Variants in VPREB1 observed in about 807,000 individuals in gnomAD.
VPREB1 encodes the protein immunoglobulin iota chain.
A neutral mutation model predicts 13.6 loss-of-function variants in VPREB1; 17 were observed. The ratio of observed to expected loss-of-function variants is 1.25; its 90% CI spans 0.86 to 1.88. VPREB1 has a LOEUF of 1.88. Among genes scored for constraint, VPREB1 ranks in the 40% most tolerant of loss-of-function variants. The pLI is 0.00. For missense variants in VPREB1, 183 were observed against 190.1 expected, an observed-to-expected ratio of 0.96 and a Z score of 0.22; for synonymous variants, 86 against 73.9, an observed-to-expected ratio of 1.16 and a Z score of -0.84.
At position 22,245,005 on chromosome 22, in the gene VPREB1, A is replaced by G. The variant is rs2088101472; in HGVS notation, c.106A>G (p.Thr36Ala). 1 of 1,613,940 alleles carries G rather than the reference A, an allele frequency of 6.2e-7. No homozygotes were observed. The highest frequency in any genetic ancestry group is 1.7e-5 in the Admixed American group (1 of 59,988). The change falls in exon 2 of 2, where the codon ACA becomes GCA. Residue 36 changes from threonine (T) to alanine (A), a missense_variant. Transcript: ENST00000403807. ...PPAMSSALGTTIRLTCTLRND... is the reference protein window; with the variant it reads ...PPAMSSALGTAIRLTCTLRND... ...GGCCATGTCCTCGGCCCTTGGAACC[A>G]CAATCCGCCTCACCTGCACCCTGAG...
chr22:22,245,253 G>A lies in VPREB1; in HGVS notation c.354G>A (p.Gly118=), dbSNP rs2146287978. ...EDEAMYYCAM[G]ARSSEKEERE... is the part of the protein sequence containing the mutation. ...AGGCTATGTATTACTGTGCTATGGG[G>A]GCCCGCAGCTCGGAGAAGGAGGAGA... Residue 118 remains glycine, a synonymous_variant, in exon 2 of 2, where the codon GGG becomes GGA. Transcript: ENST00000403807. 1.3e-6 allele frequency: 2 copies of A among 1,568,062 alleles called. No individual in the cohort carries two copies. Among genetic ancestry groups the A allele is most frequent in the Non-Finnish European group, 8.6e-7 (1 of 1,161,156 alleles).
chr22:22,244,786 A>G lies in VPREB1; in HGVS notation c.-28A>G, dbSNP rs2088093162. ...TGGGGACCCCAGGCACCGTGGCCAC[A>G]GGAGTCAGAGCTCTGCATGTCTGCA... is the stretch of plus-strand genomic sequence containing the variant. On this transcript the variant is annotated 5_prime_UTR_variant, in exon 1 of 2. Coordinates refer to ENST00000403807, the MANE Select transcript of VPREB1 (RefSeq NM_007128.4). 4 of 1,613,916 alleles carry G rather than the reference A, an allele frequency of 2.5e-6. No individual in the cohort carries two copies. The highest frequency in any genetic ancestry group is 3.4e-6 in the Non-Finnish European group (4 of 1,179,964).
Position 22,245,140 on chromosome 22 carries a change from C to T in VPREB1, c.241C>T (p.Pro81Ser). ...CTCACAATCAGACAAGAGCCAGGGC[C>T]CCCAGGTCCCCCCTCGCTTCTCTGG... ...YFSQSDKSQG[P>S]QVPPRFSGSK... The change falls in exon 2 of 2, where the codon CCC becomes TCC. Residue 81 changes from proline (P) to serine (S), a missense_variant. Transcript: ENST00000403807. 1.9e-6 allele frequency: 3 copies of T among 1,610,080 alleles called. No individual in the cohort carries two copies. Among genetic ancestry groups the T allele is most frequent in the Non-Finnish European group, 1.7e-6 (2 of 1,177,824 alleles).
Position 22,245,145 on chromosome 22 carries a change from G to A in VPREB1, c.246G>A (p.Gln82=), listed in dbSNP as rs2088106394. The A allele has an allele frequency of 1.2e-6, 2 of 1,609,990 alleles. No individual in the cohort carries two copies. Among genetic ancestry groups the A allele is most frequent in the African/African-American group, 1.3e-5 (1 of 74,762 alleles). Residue 82 remains glutamine, a synonymous_variant, in exon 2 of 2, where the codon CAG becomes CAA. Coordinates refer to ENST00000403807, the MANE Select transcript of VPREB1 (RefSeq NM_007128.4). ...AATCAGACAAGAGCCAGGGCCCCCA[G>A]GTCCCCCCTCGCTTCTCTGGATCCA... ...FSQSDKSQGP[Q]VPPRFSGSKD...
In VPREB1 at chr22:22,245,485, G is replaced by A; in HGVS notation, c.*148G>A. 1.1e-6 allele frequency: 1 copy of A among 925,634 alleles called. No homozygotes were observed. The highest frequency in any genetic ancestry group is 1.5e-6 in the Non-Finnish European group (1 of 673,704). 57.3% of individuals were successfully genotyped at this position (925,634 alleles called of 1,614,324 possible). ...AAATCCCCATTGGAGACTGCATTAG[G>A]GAATTAAAGCTGCTTGTCACTTTTT... On this transcript the variant is annotated 3_prime_UTR_variant, in exon 2 of 2. Transcript: ENST00000403807.
chr22:22,245,480 AT>A lies in VPREB1; in HGVS notation c.*145del. Reference sequence around the variant, plus strand: ...GCTGTAAATCCCCATTGGAGACTGCATTAGGGAATTAAAGCTGCTTGTCACT... The same window carrying A: ...GCTGTAAATCCCCATTGGAGACTGCATAGGGAATTAAAGCTGCTTGTCACT... On this transcript the variant is annotated 3_prime_UTR_variant, in exon 2 of 2. Coordinates refer to ENST00000403807, the MANE Select transcript of VPREB1 (RefSeq NM_007128.4). The A allele has an allele frequency of 1.1e-6, 1 of 947,432 alleles. No homozygotes were observed. The highest frequency in any genetic ancestry group is 1.4e-6 in the Non-Finnish European group (1 of 691,374). 58.7% of individuals were successfully genotyped at this position (947,432 alleles called of 1,614,324 possible).
At chr22:22,244,923 C>G (rs762317743) in intron 1 of VPREB1, 23 bp from the exon 2 acceptor site, 3 of 1,614,146 alleles carry the variant, frequency 1.9e-6, no homozygotes, top group South Asian at 2.2e-5. Context: ...GCCCCCACGG[C>G]CCACATGCAT....
In VPREB1 at chr22:22,245,256, C is replaced by T; in HGVS notation, c.357C>T (p.Ala119=). The T allele has an allele frequency of 6.4e-7, 1 of 1,567,298 alleles. No individual in the cohort carries two copies. The highest frequency in any genetic ancestry group is 1.4e-5 in the African/African-American group (1 of 73,270). ...DEAMYYCAMG[A]RSSEKEERER... ...CTATGTATTACTGTGCTATGGGGGCCCGCAGCTCGGAGAAGGAGGAGAGGG... is the reference window on the plus strand; with the variant it reads ...CTATGTATTACTGTGCTATGGGGGCTCGCAGCTCGGAGAAGGAGGAGAGGG... Residue 119 remains alanine, a synonymous_variant, in exon 2 of 2, where the codon GCC becomes GCT. Transcript: ENST00000403807.
At position 22,245,482 on chromosome 22, in the gene VPREB1, T is replaced by C. The variant is rs2088116517; in HGVS notation, c.*145T>C. The C allele has an allele frequency of 1.1e-6, 1 of 942,594 alleles. No individual in the cohort carries two copies. Among genetic ancestry groups the C allele is most frequent in the South Asian group, 2.7e-5 (1 of 36,504 alleles). 58.4% of individuals were successfully genotyped at this position (942,594 alleles called of 1,614,324 possible). ...TGTAAATCCCCATTGGAGACTGCATTAGGGAATTAAAGCTGCTTGTCACTT... is the reference window on the plus strand; with the variant it reads ...TGTAAATCCCCATTGGAGACTGCATCAGGGAATTAAAGCTGCTTGTCACTT... On this transcript the variant is annotated 3_prime_UTR_variant, in exon 2 of 2. Coordinates refer to ENST00000403807, the MANE Select transcript of VPREB1 (RefSeq NM_007128.4).
In VPREB1 at chr22:22,245,149, C is replaced by T; in HGVS notation, c.250C>T (p.Pro84Ser). Reference sequence around the variant, plus strand: ...AGACAAGAGCCAGGGCCCCCAGGTCCCCCCTCGCTTCTCTGGATCCAAAGA... The same window carrying T: ...AGACAAGAGCCAGGGCCCCCAGGTCTCCCCTCGCTTCTCTGGATCCAAAGA... ...QSDKSQGPQVPPRFSGSKDVA... is the reference protein window; with the variant it reads ...QSDKSQGPQVSPRFSGSKDVA... Residue 84 changes from proline (P) to serine (S), a missense_variant, in exon 2 of 2, where the codon CCC becomes TCC. Pro to Ser is a moderately conservative substitution (Grantham distance 74). Coordinates refer to ENST00000403807, the MANE Select transcript of VPREB1 (RefSeq NM_007128.4). 6.2e-7 allele frequency: 1 copy of T among 1,607,268 alleles called. No individual in the cohort carries two copies. Among genetic ancestry groups the T allele is most frequent in the Non-Finnish European group, 8.5e-7 (1 of 1,176,496 alleles).
chr22:22,244,885 A>T (rs749345702), intron 1 of VPREB1, 26 bp downstream of exon 1: 3 of 1,612,950 alleles, frequency 1.9e-6, no homozygotes, highest in South Asian at 1.1e-5. Context: ...GATCCCAAAG[A>T]CTCCTGCCCC....
At position 22,245,127 on chromosome 22, in the gene VPREB1, C is replaced by A; in HGVS notation, c.228C>A (p.Asp76Glu). ...TGCTGAGATATTTCTCACAATCAGACAAGAGCCAGGGCCCCCAGGTCCCCC... is the reference window on the plus strand; with the variant it reads ...TGCTGAGATATTTCTCACAATCAGAAAAGAGCCAGGGCCCCCAGGTCCCCC... ...RFLLRYFSQS[D>E]KSQGPQVPPR... The change falls in exon 2 of 2, where the codon GAC becomes GAA. Residue 76 changes from aspartate (D) to glutamate (E), a missense_variant. Coordinates refer to ENST00000403807, the MANE Select transcript of VPREB1 (RefSeq NM_007128.4). 1 of 1,612,916 alleles carries A rather than the reference C, an allele frequency of 6.2e-7. No homozygotes were observed. Among genetic ancestry groups the A allele is most frequent in the Non-Finnish European group, 8.5e-7 (1 of 1,179,358 alleles).
chr22:22,245,262 C>T lies in VPREB1; in HGVS notation c.363C>T (p.Ser121=), dbSNP rs5995719. ...AMYYCAMGAR[S]SEKEEREREW... The stretch of plus-strand genomic sequence containing the variant: ...ATTACTGTGCTATGGGGGCCCGCAG[C>T]TCGGAGAAGGAGGAGAGGGAGAGGG... The change falls in exon 2 of 2, where the codon AGC becomes AGT. Residue 121 remains serine, a synonymous_variant. Coordinates refer to ENST00000403807, the MANE Select transcript of VPREB1 (RefSeq NM_007128.4). The T allele has an allele frequency of 0.18, 281,183 of 1,563,730 alleles. 27,247 individuals carry two copies. Among genetic ancestry groups the T allele is most frequent in the African/African-American group, 0.3 (22,184 of 73,002 alleles).
At position 22,245,205 on chromosome 22, in the gene VPREB1, C is replaced by T. The variant is rs373510626; in HGVS notation, c.306C>T (p.Ile102=). 6.3e-7 allele frequency: 1 copy of T among 1,576,448 alleles called. No homozygotes were observed. Among genetic ancestry groups the T allele is most frequent in the Non-Finnish European group, 8.6e-7 (1 of 1,161,856 alleles). ...CCAGGAACAGGGGGTATTTGAGCAT[C>T]TCTGAGCTGCAGCCTGAGGACGAGG... ...DVARNRGYLS[I]SELQPEDEAM... is the part of the protein sequence containing the mutation. Residue 102 remains isoleucine (I), a synonymous_variant, in exon 2 of 2, where the codon ATC becomes ATT. Transcript: ENST00000403807.
Position 22,244,860 on chromosome 22 carries a change from G to C in VPREB1, c.46+1G>C. 6.2e-7 allele frequency: 1 copy of C among 1,613,950 alleles called. No homozygotes were observed. The highest frequency in any genetic ancestry group is 8.5e-7 in the Non-Finnish European group (1 of 1,179,872). On this transcript the variant is annotated splice_donor_variant, in intron 1 of 1. Coordinates refer to ENST00000403807, the MANE Select transcript of VPREB1 (RefSeq NM_007128.4). LOFTEE classifies it high-confidence loss of function. ...CTCATGCTGTTTGTCTACTGCACAG[G>C]TGAGGGAACCCCCAGATCCCAAAGA...
chr22:22,245,062 T>A lies in VPREB1; in HGVS notation c.163T>A (p.Tyr55Asn). Residue 55 changes from tyrosine to asparagine, a missense_variant, in exon 2 of 2, where the codon TAC (tyrosine) becomes AAC (asparagine). Physicochemically the swap from Tyr to Asn is moderately radical, Grantham distance 143. Coordinates refer to ENST00000403807, the MANE Select transcript of VPREB1 (RefSeq NM_007128.4). ...NDHDIGVYSV[Y>N]WYQQRPGHPP... ...CCATGACATCGGTGTGTACAGCGTC[T>A]ACTGGTACCAGCAGAGGCCGGGCCA... 1 of 1,613,984 alleles carries A rather than the reference T, an allele frequency of 6.2e-7. No homozygotes were observed. Among genetic ancestry groups the A allele is most frequent in the African/African-American group, 1.3e-5 (1 of 75,006 alleles).
Position 22,245,433 on chromosome 22 carries a change from C to A in VPREB1, c.*96C>A. On this transcript the variant is annotated 3_prime_UTR_variant, in exon 2 of 2. Coordinates refer to ENST00000403807, the MANE Select transcript of VPREB1 (RefSeq NM_007128.4). ...GCGCCGAGGAGGCTGAGCCACTCAGCATCTCCTGGTCCTGCAGTGTTGCTG... is the reference window on the plus strand; with the variant it reads ...GCGCCGAGGAGGCTGAGCCACTCAGAATCTCCTGGTCCTGCAGTGTTGCTG... The A allele has an allele frequency of 7.5e-7, 1 of 1,331,020 alleles. No individual in the cohort carries two copies. The highest frequency in any genetic ancestry group is 9.8e-7 in the Non-Finnish European group (1 of 1,015,984). The allele number at this position is 1,331,020 out of a possible 1,614,324, so 82.5% of individuals were successfully genotyped here. A position where few individuals can be genotyped will look rare whatever the true frequency, so the allele number is the denominator to read the frequency against.
Position 22,244,931 on chromosome 22 carries a change from C to T in VPREB1, c.47-15C>T, listed in dbSNP as rs754026001. 5 of 1,614,156 alleles carry T rather than the reference C, an allele frequency of 3.1e-6. No homozygotes were observed. The highest frequency in any genetic ancestry group is 3.4e-6 in the Non-Finnish European group (4 of 1,180,022). ...CTGCCCTGCCCCCACGGCCCACATG[C>T]ATCTGTGTCACCAGGTTGTGGTCCT... On this transcript the variant is annotated splice_polypyrimidine_tract_variant and intron_variant, in intron 1 of 1. Transcript: ENST00000403807.
In VPREB1 at chr22:22,245,190, G is replaced by A. The variant is rs188917401; in HGVS notation, c.291G>A (p.Arg97=). 1 of 1,588,436 alleles carries A rather than the reference G, an allele frequency of 6.3e-7. No homozygotes were observed. Among genetic ancestry groups the A allele is most frequent in the Non-Finnish European group, 8.6e-7 (1 of 1,167,372 alleles). The change falls in exon 2 of 2, where the codon AGG becomes AGA. Residue 97 remains arginine (R), a synonymous_variant. Coordinates refer to ENST00000403807, the MANE Select transcript of VPREB1 (RefSeq NM_007128.4). ...GATCCAAAGATGTGGCCAGGAACAG[G>A]GGGTATTTGAGCATCTCTGAGCTGC... The part of the protein sequence containing the change: ...FSGSKDVARN[R]GYLSISELQP...
Sources: gnomAD v4.1 joint callset for allele counts on GRCh38, gnomAD v4.1.1 for gene constraint, MANE v1.5 for transcripts, NCBI Gene and HGNC (gene_info 2026-07-23, HGNC 2026-07-21) for gene names.